Variants in SCOC observed in about 807,000 individuals in gnomAD.
SCOC encodes short coiled coil protein.
SCOC carries 7 observed loss-of-function variants against 9.9 expected under a neutral mutation model. The observed-to-expected ratio is 0.71, with a 90% confidence interval of 0.40 to 1.33. The LOEUF (loss-of-function observed/expected upper bound fraction) is 1.33. SCOC is among the 40% of genes most tolerant of loss of function. The probability of loss-of-function intolerance (pLI) is 0.01; values close to 1 mark genes in which losing one functional copy is unlikely to be tolerated. For missense variants in SCOC, 66 were observed against 89.7 expected (o/e 0.74, Z 1.07); for synonymous variants, 19 against 28.2 (o/e 0.67, Z 1.03).
intron 1 of SCOC, among the ~76,000 whole-genome samples, chr4:140,378,345 T>C (rs1728430660): frequency 1.3e-5 from 2 of 152,166 alleles, no homozygotes; most frequent in African/African-American, 2.4e-5. Context: ...AGAGCATTTT[T>C]TCATTTTCAT....
chr4:140,351,506 T>G (rs1726977241), intron 2 of SCOC, among the ~76,000 whole-genome samples: 2 of 152,122 alleles, frequency 1.3e-5, no homozygotes, highest in South Asian at 4.2e-4. Flanking sequence ...CTGAATAATA[T>G]TCAAAGCTGC....
intron 1 of SCOC, among the ~76,000 whole-genome samples, chr4:140,295,626 G>A (rs996948063): frequency 6.6e-6 from 1 of 152,186 alleles, no homozygotes; most frequent in African/African-American, 2.4e-5. Flanking sequence ...CTTAAGTAGC[G>A]TCACAAGACC....
At chr4:140,334,185 T>C (rs1274690560) in intron 1 of SCOC, among the ~76,000 whole-genome samples, 1 of 152,194 alleles carries the variant, frequency 6.6e-6, no homozygotes, top group Admixed American at 6.5e-5. Context: ...TGTGCTACCA[T>C]GCCCAGACAA....
intron 2 of SCOC, among the ~76,000 whole-genome samples, chr4:140,367,236 C>CATAAATAA (rs370355272): frequency 6.6e-6 from 1 of 151,858 alleles, no homozygotes; most frequent in Non-Finnish European, 1.5e-5. Flanking sequence ...GACCATTTCT[C>CATAAATAA]ATAAATAAAT....
intron 1 of SCOC, among the ~76,000 whole-genome samples, chr4:140,283,142 A>G (rs559468264): frequency 6.6e-6 from 1 of 152,370 alleles, no homozygotes; most frequent in Admixed American, 6.5e-5. Context: ...AAGCTATCCT[A>G]GCACAATTTT....
In SCOC at chr4:140,383,235, A is replaced by G. The variant is rs1038285677; in HGVS notation, c.*2131A>G. 2.0e-5 allele frequency: 3 copies of G among 152,176 alleles called. No individual in the cohort carries two copies. The highest frequency in any genetic ancestry group is 7.2e-5 in the African/African-American group (3 of 41,448). 9.4% of individuals were successfully genotyped at this position (152,176 alleles called of 1,614,324 possible). A position where few individuals can be genotyped will look rare whatever the true frequency, so the allele number is the denominator to read the frequency against. On this transcript the variant is annotated 3_prime_UTR_variant, in exon 4 of 4. Coordinates refer to ENST00000608372, the MANE Select transcript of SCOC (RefSeq NM_001153484.2). ...CCTCAGCCACAGCTCTTCTTGTGCT[A>G]CCAAGTATCTTCCCTTACACAGAAA...
At chr4:140,370,301 TCCAA>T (rs2126578594), upstream of SCOC, among the ~76,000 whole-genome samples, 1 of 152,312 alleles carries the variant, frequency 6.6e-6, no homozygotes, top group African/African-American at 2.4e-5. Context: ...TGATGAATTT[TCCAA>T]GTGCATTGGA....
upstream of SCOC, among the ~76,000 whole-genome samples, chr4:140,373,002 C>T (rs1484853739): frequency 6.6e-6 from 1 of 152,224 alleles, no homozygotes; most frequent in Non-Finnish European, 1.5e-5. Flanking sequence ...TGCTATGCCT[C>T]AGTACCACTA....
intron 1 of SCOC, among the ~76,000 whole-genome samples, chr4:140,274,985 A>G (rs1312198642): frequency 6.6e-6 from 1 of 152,056 alleles, no homozygotes; most frequent in East Asian, 1.9e-4. Context: ...TTCGCATGGA[A>G]TTTTATCTTC....
chr4:140,315,643 C>A (rs763834189), intron 1 of SCOC, among the ~76,000 whole-genome samples: 4 of 152,220 alleles, frequency 2.6e-5, no homozygotes, highest in Non-Finnish European at 5.9e-5. Flanking sequence ...CAGTGGCCTC[C>A]TGTGACCCCT....
chr4:140,295,937 AAAAAAAAAAAG>A (rs1731619861), intron 1 of SCOC, among the ~76,000 whole-genome samples: 1 of 150,612 alleles, frequency 6.6e-6, no homozygotes, highest in Admixed American at 6.6e-5. Context: ...TCTCAAAAAA[AAAAAAAAAAAG>A]AAAGAAAGAA....
chr4:140,380,894 A>T, intron 3 of SCOC, 68 bp from the exon 4 acceptor site: 1 of 1,225,810 alleles, frequency 8.2e-7, no homozygotes, highest in Non-Finnish European at 1.1e-6. Context: ...AATGAATCCT[A>T]AGAATTTTGT....
intron 1 of SCOC, chr4:140,373,918 C>G (rs1037672878): frequency 2.8e-6 from 2 of 710,542 alleles, no homozygotes; most frequent in Non-Finnish European, 5.1e-6. Context: ...ACCTCTTTTT[C>G]TCCTGTTTTC....
chr4:140,281,466 A>G (rs1731094594), intron 1 of SCOC, among the ~76,000 whole-genome samples: 1 of 152,218 alleles, frequency 6.6e-6, no homozygotes, highest in Non-Finnish European at 1.5e-5. Flanking sequence ...CCAAGGCTCC[A>G]CATATGGGAA....
At chr4:140,317,667 TTTTA>T (rs1269152445) in intron 1 of SCOC, among the ~76,000 whole-genome samples, 6 of 144,954 alleles carry the variant, frequency 4.1e-5, no homozygotes, top group Admixed American at 6.8e-5. Context: ...TTTTATTTTA[TTTTA>T]TTTATTTTAT....
At chr4:140,366,949 TA>T (rs1727828465) in intron 2 of SCOC, 1 of 510,222 alleles carries the variant, frequency 2.0e-6, no homozygotes, top group Admixed American at 3.2e-5. Flanking sequence ...CTCACGCATG[TA>T]ATCCCAGCAC....
intron 1 of SCOC, among the ~76,000 whole-genome samples, chr4:140,307,629 C>T (rs1732030440): frequency 6.6e-6 from 1 of 152,146 alleles, no homozygotes; most frequent in Non-Finnish European, 1.5e-5. Context: ...TCTTGCACAT[C>T]CCAGAGGAGC....
intron 1 of SCOC, among the ~76,000 whole-genome samples, chr4:140,280,222 TC>T (rs1243478525): frequency 6.6e-6 from 1 of 152,052 alleles, no homozygotes; most frequent in Non-Finnish European, 1.5e-5. Context: ...GTTCAAGTGA[TC>T]CCCCCACCTC....
chr4:140,259,277 C>T (rs1468597016), intron 1 of SCOC, among the ~76,000 whole-genome samples: 1 of 152,174 alleles, frequency 6.6e-6, no homozygotes, highest in Non-Finnish European at 1.5e-5. Context: ...TTTTGTTGTC[C>T]TTTCTTCACT....
Sources: gnomAD v4.1 joint callset for allele counts (sites outside exome capture counted in the v4.1 genomes callset) on GRCh38, gnomAD v4.1.1 for gene constraint, MANE v1.5 for transcripts, NCBI Gene and HGNC (gene_info 2026-07-23, HGNC 2026-07-21) for gene names.